Variants in PALS2 observed in about 807,000 individuals in gnomAD.
PALS2 encodes the protein protein associated with LIN7 2, MAGUK p55 family member, also known as protein PALS2.
Under a neutral mutation model 61.6 loss-of-function variants are expected in PALS2, and 27 were observed. That is an observed-to-expected ratio of 0.44 (90% CI 0.32 to 0.60). The LOEUF (loss-of-function observed/expected upper bound fraction) is 0.60, where lower values mean the gene tolerates loss of function less well. PALS2 is among the 20% of genes least tolerant of loss of function. The pLI is 0.05. For synonymous variants in PALS2, 236 were observed against 218.6 expected (o/e 1.08, Z -0.70); for missense variants, 554 against 639.4 (o/e 0.87, Z 1.44).
chr7:24,648,922 A>AG (rs1225721413), intron 3 of PALS2, among the ~76,000 whole-genome samples: 5 of 151,618 alleles, frequency 3.3e-5, no homozygotes, highest in African/African-American at 1.2e-4. Flanking sequence ...AAAAAAAAAA[A>AG]GCAATTCCTA....
At position 24,592,419 on chromosome 7, in the gene PALS2, T is replaced by TG. The variant is rs372145664; in HGVS notation, c.-3+18828dup. On this transcript the variant is annotated intron_variant, in intron 1 of 11. Coordinates refer to ENST00000222644, the MANE Select transcript of PALS2 (RefSeq NM_001303037.2). ...GAGAGGCAAGTGGGGACGTTTGGACTGGCCAGCTAACAGAGGAGGATGTGA... is the reference window on the plus strand; with the variant it reads ...GAGAGGCAAGTGGGGACGTTTGGACTGGGCCAGCTAACAGAGGAGGATGTGA... 3.6e-4 allele frequency among the ~76,000 whole-genome samples: 55 copies of TG among 152,182 alleles called. 1 individual carries two copies. The highest frequency in any genetic ancestry group is 3.4e-3 in the Middle Eastern group (1 of 294).
At chr7:24,622,907 T>C (rs563209542) in intron 1 of PALS2, among the ~76,000 whole-genome samples, 2 of 152,030 alleles carry the variant, frequency 1.3e-5, no homozygotes, top group East Asian at 3.9e-4. Flanking sequence ...TTTTGGGTTT[T>C]GTCTAATGAT....
intron 9 of PALS2, among the ~76,000 whole-genome samples, chr7:24,673,705 G>A (rs1363714553): frequency 6.6e-6 from 1 of 151,912 alleles, no homozygotes; most frequent in East Asian, 1.9e-4. Context: ...TCTATGTAAA[G>A]ATTTGTCAAT....
chr7:24,607,659 G>GTA (rs151168142), intron 1 of PALS2, among the ~76,000 whole-genome samples: 3 of 150,956 alleles, frequency 2.0e-5, no homozygotes, highest in African/African-American at 4.9e-5. Flanking sequence ...GTATGCGTAT[G>GTA]TATACACACA....
intron 3 of PALS2, among the ~76,000 whole-genome samples, chr7:24,644,083 ATTTTCTT>A (rs1331093439): frequency 2.2e-5 from 3 of 137,892 alleles, no homozygotes; most frequent in Admixed American, 7.2e-5. Context: ...CTAAATCAAT[ATTTTCTT>A]TTTTCTTTTT....
rs1788570653 is a variant in PALS2, at chr7:24,693,492, G to A, written c.*5878G>A. ...GAAGTCATTACCAGTTAAAATGTGT[G>A]GTTTTCATCTTATTCTTAAATAGGA... On this transcript the variant is annotated 3_prime_UTR_variant, in exon 12 of 12. Transcript: ENST00000222644. The A allele has an allele frequency of 6.6e-6, 1 of 152,080 alleles. No individual in the cohort carries two copies. Among genetic ancestry groups the A allele is most frequent in the Middle Eastern group, 3.2e-3 (1 of 316 alleles). The allele number at this position is 152,080 out of a possible 1,614,324, so 9.4% of individuals were successfully genotyped here.
intron 1 of PALS2, among the ~76,000 whole-genome samples, chr7:24,591,977 A>G (rs563779030): frequency 9.2e-5 from 14 of 152,166 alleles, no homozygotes; most frequent in African/African-American, 3.4e-4. Context: ...AACAACAGAA[A>G]AATGCAAAAA....
At chr7:24,610,434 C>T (rs1784073862) in intron 1 of PALS2, among the ~76,000 whole-genome samples, 1 of 152,134 alleles carries the variant, frequency 6.6e-6, no homozygotes. Context: ...ATATTTTCTT[C>T]AACATCTAAC....
chr7:24,637,573 T>C (rs561286589), intron 2 of PALS2, among the ~76,000 whole-genome samples: 7 of 152,318 alleles, frequency 4.6e-5, no homozygotes, highest in African/African-American at 1.4e-4. Context: ...CATAGCTCTT[T>C]TCTCAAAAGA....
intron 9 of PALS2, chr7:24,674,283 G>A (rs1787451541): frequency 6.5e-6 from 1 of 153,088 alleles, no homozygotes; most frequent in African/African-American, 2.4e-5. Flanking sequence ...ATTAGTTGGG[G>A]AAAGCAAGAA....
At chr7:24,669,561 G>T (rs1787196962) in intron 9 of PALS2, among the ~76,000 whole-genome samples, 1 of 152,092 alleles carries the variant, frequency 6.6e-6, no homozygotes, top group African/African-American at 2.4e-5. Context: ...CTTTTAACAT[G>T]GCATTCCTTT....
chr7:24,623,972 A>C, intron 2 of PALS2, 188 bp downstream of exon 2: 1 of 1,069,822 alleles, frequency 9.3e-7, no homozygotes. Context: ...TTCTACTCTG[A>C]CTTTAAATAC....
intron 1 of PALS2, among the ~76,000 whole-genome samples, chr7:24,616,312 C>A (rs1784291602): frequency 6.6e-6 from 1 of 151,390 alleles, no homozygotes; most frequent in African/African-American, 2.4e-5. Flanking sequence ...AAAGACTCTA[C>A]AAAAAAAACT....
At chr7:24,682,008 T>C (rs1253110714) in intron 11 of PALS2, among the ~76,000 whole-genome samples, 4 of 152,242 alleles carry the variant, frequency 2.6e-5, no homozygotes, top group African/African-American at 9.6e-5. Context: ...ATTATGAGTA[T>C]ATCTTCCTGC....
intron 1 of PALS2, among the ~76,000 whole-genome samples, chr7:24,609,505 G>A (rs1784038423): frequency 1.3e-5 from 2 of 152,078 alleles, no homozygotes; most frequent in South Asian, 4.1e-4. Context: ...TGTATTAAGG[G>A]GAACTTTTGG....
chr7:24,583,181 G>A (rs980211851), intron 1 of PALS2, among the ~76,000 whole-genome samples: 3 of 151,888 alleles, frequency 2.0e-5, no homozygotes, highest in South Asian at 2.1e-4. Context: ...GTGAGCCACC[G>A]TGCCTGGAAA....
At chr7:24,612,798 T>G (rs1014214370) in intron 1 of PALS2, among the ~76,000 whole-genome samples, 2 of 151,898 alleles carry the variant, frequency 1.3e-5, no homozygotes, top group Admixed American at 6.6e-5. Flanking sequence ...TCTGCATTTC[T>G]TAAAATGCTA....
At chr7:24,686,128 A>G (rs1788191314) in intron 11 of PALS2, among the ~76,000 whole-genome samples, 1 of 152,180 alleles carries the variant, frequency 6.6e-6, no homozygotes, top group Admixed American at 6.5e-5. Flanking sequence ...CCTAAGAGCA[A>G]TTCTTGACTC....
chr7:24,606,520 G>A (rs1028122844), intron 1 of PALS2, among the ~76,000 whole-genome samples: 11 of 152,178 alleles, frequency 7.2e-5, no homozygotes, highest in African/African-American at 2.7e-4. Flanking sequence ...AAATTAGTCA[G>A]AAAGAGATGG....
Sources: gnomAD v4.1 joint callset for allele counts (sites outside exome capture counted in the v4.1 genomes callset) on GRCh38, gnomAD v4.1.1 for gene constraint, MANE v1.5 for transcripts, NCBI Gene and HGNC (gene_info 2026-07-23, HGNC 2026-07-21) for gene names.